The following ARHGAP8 variants were observed in gnomAD, a reference collection of about 807,000 sequenced individuals.
The protein encoded by ARHGAP8 is rho GTPase-activating protein 8.
In ARHGAP8, 62 loss-of-function variants were observed where a neutral mutation model predicts 46.1. The observed-to-expected ratio is 1.34, with a 90% CI of 1.10 to 1.66. The LOEUF (loss-of-function observed/expected upper bound fraction) is 1.66. ARHGAP8 is among the 40% of genes most tolerant of loss of function. The probability of loss-of-function intolerance (pLI) is 0.00; values close to 1 mark genes in which losing one functional copy is unlikely to be tolerated. For synonymous variants in ARHGAP8, 375 were observed against 243.1 expected, an observed-to-expected ratio of 1.54 and a Z score of -5.05; for missense variants, 923 against 568.4, an observed-to-expected ratio of 1.62 and a Z score of -6.34.
intron 11 of ARHGAP8, among the ~76,000 whole-genome samples, chr22:44,861,113 A>T (rs1569189264): frequency 6.6e-6 from 1 of 152,182 alleles, no homozygotes; most frequent in Non-Finnish European, 1.5e-5. Flanking sequence ...CTGGGATTAC[A>T]GGTGAGAACC....
chr22:44,774,256 G>T (rs1163976917), intron 1 of ARHGAP8, among the ~76,000 whole-genome samples: 17 of 152,194 alleles, frequency 1.1e-4, no homozygotes, highest in Admixed American at 1.1e-3. Flanking sequence ...ATGGATTTTA[G>T]TCTTGGTGAA....
chr22:44,801,951 G>A lies in ARHGAP8; in HGVS notation c.80-126G>A, dbSNP rs561786895. The A allele has an allele frequency of 4.0e-5, 44 of 1,097,084 alleles. No homozygotes were observed. The African/African-American group carries it at 5.1e-4, about 13-fold the overall frequency. 68.0% of individuals were successfully genotyped at this position (1,097,084 alleles called of 1,614,324 possible). A position where few individuals can be genotyped will look rare whatever the true frequency, so the allele number is the denominator to read the frequency against. On this transcript the variant is annotated intron_variant, in intron 2 of 11. Transcript: ENST00000356099. ...TGCTCACTCAGCAGGTGTCGCCTCC[G>A]AGGAACGCTGCTGCCTGTGCCTCCC...
At chr22:44,778,269 G>A (rs558931587) in intron 1 of ARHGAP8, among the ~76,000 whole-genome samples, 3 of 152,120 alleles carry the variant, frequency 2.0e-5, no homozygotes, top group Admixed American at 6.5e-5. Flanking sequence ...TTATGAGAAC[G>A]TAACAATGTT....
At chr22:44,805,996 G>C (rs1928895701) in intron 3 of ARHGAP8, among the ~76,000 whole-genome samples, 1 of 152,232 alleles carries the variant, frequency 6.6e-6, no homozygotes, top group African/African-American at 2.4e-5. Context: ...ACTGGGGAGA[G>C]CCCAGCGCTG....
chr22:44,819,205 A>G lies in ARHGAP8; in HGVS notation c.387-3166A>G, dbSNP rs1312528269. 3.3e-5 allele frequency among the ~76,000 whole-genome samples: 5 copies of G among 152,262 alleles called. No homozygotes were observed. The East Asian group carries it at 9.7e-4, about 29-fold the overall frequency. On this transcript the variant is annotated intron_variant, in intron 5 of 11. Transcript: ENST00000356099. ...CACCTCAGCCTTCCAAGTAGTTGGG[A>G]CTACAGGCACGCCACCATGCCCAGC...
intron 3 of ARHGAP8, among the ~76,000 whole-genome samples, chr22:44,804,310 A>G (rs1263132549): frequency 6.6e-6 from 1 of 151,974 alleles, no homozygotes; most frequent in Non-Finnish European, 1.5e-5. Context: ...TCCCCGGCCC[A>G]GGAGAGCTGC....
intron 7 of ARHGAP8, among the ~76,000 whole-genome samples, chr22:44,836,319 G>A (rs1452222298): frequency 6.6e-6 from 1 of 151,804 alleles, no homozygotes; most frequent in African/African-American, 2.4e-5. Flanking sequence ...TCCTGCCTCA[G>A]CCTCCTGAGT....
intron 2 of ARHGAP8, among the ~76,000 whole-genome samples, chr22:44,787,047 A>AAAAAAAAAAAAAAAAAAAAAAAAAC (rs796358176): frequency 6.9e-6 from 1 of 145,482 alleles, no homozygotes; most frequent in African/African-American, 2.5e-5. Context: ...CAAAAAAAAA[A>AAAAAAAAAAAAAAAAAAAAAAAAAC]AAAAGAAAGA....
intron 7 of ARHGAP8, among the ~76,000 whole-genome samples, chr22:44,843,380 A>G (rs981441756): frequency 4.6e-5 from 7 of 152,236 alleles, no homozygotes; most frequent in African/African-American, 1.7e-4. Context: ...TCACAAAGGA[A>G]TGAAGCATGC....
chr22:44,858,938 C>T (rs1468495271), intron 10 of ARHGAP8, among the ~76,000 whole-genome samples: 1 of 151,808 alleles, frequency 6.6e-6, no homozygotes, highest in Non-Finnish European at 1.5e-5. Flanking sequence ...TCTGTTGCAA[C>T]TACTCAGCTC....
intron 10 of ARHGAP8, among the ~76,000 whole-genome samples, chr22:44,858,341 C>G (rs568712509): frequency 1.6e-4 from 24 of 149,686 alleles, no homozygotes; most frequent in Admixed American, 4.7e-4. Context: ...GCAGCGGGAA[C>G]TTGGTGAATA....
chr22:44,803,212 C>A (rs1435049345), intron 3 of ARHGAP8, among the ~76,000 whole-genome samples: 1 of 152,136 alleles, frequency 6.6e-6, no homozygotes, highest in Non-Finnish European at 1.5e-5. Flanking sequence ...GCCTGGGCCC[C>A]ATGTCCCTTG....
intron 11 of ARHGAP8, 139 bp downstream of exon 11, chr22:44,859,973 C>A (rs550183062): frequency 3.3e-5 from 34 of 1,039,354 alleles, no homozygotes; most frequent in South Asian, 3.1e-4. Context: ...TCCCTGCCCC[C>A]CAAGGACCTC....
rs1927474377 is a variant in ARHGAP8, at chr22:44,788,976, G to A, written c.79+2370G>A. Among the ~76,000 whole-genome samples the A allele has an allele frequency of 2.0e-5, 3 of 152,142 alleles. No homozygotes were observed. In the South Asian group the frequency reaches 6.2e-4, roughly 32 times the overall value. On this transcript the variant is annotated intron_variant, in intron 2 of 11. Transcript: ENST00000356099. ...CTATGTATTTCAGTTAGGTTAAGTT[G>A]ATTAATGATTAAGTTGTGTTCACAT...
intron 1 of ARHGAP8, among the ~76,000 whole-genome samples, chr22:44,779,848 A>G (rs1926715404): frequency 6.6e-6 from 1 of 152,140 alleles, no homozygotes; most frequent in South Asian, 2.1e-4. Flanking sequence ...GATTACAGGC[A>G]TGAGCCACCA....
intron 3 of ARHGAP8, among the ~76,000 whole-genome samples, chr22:44,806,760 C>G (rs1411244538): frequency 6.6e-6 from 1 of 151,840 alleles, no homozygotes; most frequent in East Asian, 1.9e-4. Flanking sequence ...CAAGACCATC[C>G]TGGCTAACTC....
At chr22:44,767,984 C>CTTTTTTTGTTTTTTTTT (rs1925708673) in intron 1 of ARHGAP8, among the ~76,000 whole-genome samples, 2 of 47,230 alleles carry the variant, frequency 4.2e-5, no homozygotes, top group African/African-American at 8.9e-5. Flanking sequence ...CGCATGATGT[C>CTTTTTTTGTTTTTTTTT]TTTTTTTTTT....
intron 4 of ARHGAP8, chr22:44,809,124 A>G: frequency 2.1e-6 from 1 of 470,358 alleles, no homozygotes; most frequent in South Asian, 1.5e-5. Flanking sequence ...CCAAGCCAAC[A>G]CTCTTGTTCT....
At chr22:44,847,705 T>C (rs1177713871) in intron 8 of ARHGAP8, among the ~76,000 whole-genome samples, 1 of 152,144 alleles carries the variant, frequency 6.6e-6, no homozygotes, top group African/African-American at 2.4e-5. Context: ...GGCCGAGAGC[T>C]TTCTCTGAGG....
Sources: gnomAD v4.1 joint callset for allele counts (sites outside exome capture counted in the v4.1 genomes callset) on GRCh38, gnomAD v4.1.1 for gene constraint, MANE v1.5 for transcripts, NCBI Gene and HGNC (gene_info 2026-07-23, HGNC 2026-07-21) for gene names.